THSD7B: variants seen among roughly 807,000 people sequenced by gnomAD.
The protein encoded by THSD7B is thrombospondin type-1 domain-containing protein 7B.
A neutral mutation model predicts 213.6 loss-of-function variants in THSD7B; 138 were observed. The ratio of observed to expected loss-of-function variants is 0.65; its 90% CI spans 0.56 to 0.74. The LOEUF (loss-of-function observed/expected upper bound fraction) is 0.74. THSD7B is among the 30% of genes least tolerant of loss of function. The pLI, the probability that THSD7B is intolerant of heterozygous loss-of-function variation, is 0.00. For missense variants in THSD7B, 1,931 were observed against 1,991.5 expected, an observed-to-expected ratio of 0.97 and a Z score of 0.58; for synonymous variants, 742 against 687.0, an observed-to-expected ratio of 1.08 and a Z score of -1.25.
At chr2:136,962,702 G>T (rs1209584476) in intron 2 of THSD7B, among the ~76,000 whole-genome samples, 1 of 152,100 alleles carries the variant, frequency 6.6e-6, no homozygotes, top group Non-Finnish European at 1.5e-5. Context: ...TTAGAAAGAA[G>T]TACACAAAAG....
chr2:137,160,128 C>T, intron 5 of THSD7B, 85 bp from the exon 6 acceptor site: 1 of 1,406,266 alleles, frequency 7.1e-7, no homozygotes, highest in East Asian at 2.4e-5. Flanking sequence ...GTTTTATTTG[C>T]AAGACAGGCA....
At chr2:136,928,399 G>A (rs1684576273) in intron 2 of THSD7B, among the ~76,000 whole-genome samples, 1 of 152,150 alleles carries the variant, frequency 6.6e-6, no homozygotes, top group Non-Finnish European at 1.5e-5. Flanking sequence ...TTCTAAGTTG[G>A]GAACCATCTG....
At chr2:137,655,963 A>G (rs191435734) in intron 22 of THSD7B, among the ~76,000 whole-genome samples, 14 of 152,284 alleles carry the variant, frequency 9.2e-5, no homozygotes, top group Non-Finnish European at 1.9e-4. Context: ...TTCTTCATCT[A>G]GAAACTGTGA....
intron 20 of THSD7B, 103 bp from the exon 21 acceptor site, chr2:137,642,385 T>C (rs981211625): frequency 5.9e-6 from 8 of 1,366,702 alleles, no homozygotes; most frequent in East Asian, 2.3e-5. Context: ...CAGAGTTCAG[T>C]CTATTAAAAT....
intron 2 of THSD7B, among the ~76,000 whole-genome samples, chr2:137,016,409 A>G (rs1686343050): frequency 6.6e-6 from 1 of 152,064 alleles, no homozygotes; most frequent in Non-Finnish European, 1.5e-5. Flanking sequence ...TTTCTCTCAA[A>G]CTCCATCTTT....
intron 5 of THSD7B, among the ~76,000 whole-genome samples, chr2:137,155,477 G>GCAGTTCTT: frequency 6.6e-6 from 1 of 152,306 alleles, no homozygotes; most frequent in African/African-American, 2.4e-5. Context: ...TAGAAAAGCA[G>GCAGTTCTT]CAGTTCTTAC....
chr2:136,950,990 A>T (rs1165589596), intron 2 of THSD7B, among the ~76,000 whole-genome samples: 1 of 152,156 alleles, frequency 6.6e-6, no homozygotes, highest in African/African-American at 2.4e-5. Context: ...TTTGGTGGCT[A>T]GATACTGAAA....
rs185922808 is a variant in THSD7B, at chr2:137,478,601, G to A, written c.3138+27578G>A. 4.1e-3 allele frequency among the ~76,000 whole-genome samples: 618 copies of A among 151,982 alleles called. 2 individuals are homozygous for A. The highest frequency in any genetic ancestry group is 6.8e-3 in the Non-Finnish European group (459 of 67,968). Reference sequence around the variant, plus strand: ...TGGAATCTCTTGTGGAAGAATTATTGCATTTCTTGGAGGTGTCATGTTCTC... The same window carrying A: ...TGGAATCTCTTGTGGAAGAATTATTACATTTCTTGGAGGTGTCATGTTCTC... On this transcript the variant is annotated intron_variant, in intron 15 of 27. Transcript: ENST00000409968.
At chr2:136,904,999 A>C (rs1684134586) in intron 2 of THSD7B, among the ~76,000 whole-genome samples, 1 of 152,164 alleles carries the variant, frequency 6.6e-6, no homozygotes, top group Admixed American at 6.6e-5. Context: ...TGACTCTTTC[A>C]TCCACTACTT....
In THSD7B at chr2:137,179,421, CA is replaced by C. The variant is rs571433243; in HGVS notation, c.1723+8490del. ...TACCAGTTTTCCCTCTATGTAGACA[CA>C]AAAAAAGTAATGAACATGGATAAAA... On this transcript the variant is annotated intron_variant, in intron 7 of 27. Transcript: ENST00000409968. Among the ~76,000 whole-genome samples the C allele has an allele frequency of 1.6e-4, 24 of 151,778 alleles. No individual in the cohort carries two copies. In the East Asian group the frequency reaches 3.1e-3, roughly 20 times the overall value.
At chr2:137,451,400 A>G (rs1407598563) in intron 15 of THSD7B, among the ~76,000 whole-genome samples, 1 of 151,898 alleles carries the variant, frequency 6.6e-6, no homozygotes, top group Non-Finnish European at 1.5e-5. Flanking sequence ...AGTATCACTT[A>G]TGTCATGGCA....
chr2:137,282,839 G>A (rs1024858295), intron 12 of THSD7B, among the ~76,000 whole-genome samples: 8 of 152,204 alleles, frequency 5.3e-5, no homozygotes, highest in African/African-American at 9.7e-5. Flanking sequence ...CAGGTAGCAT[G>A]ATGCCTCCAG....
intron 12 of THSD7B, among the ~76,000 whole-genome samples, chr2:137,339,429 G>A (rs957498637): frequency 6.6e-6 from 1 of 152,022 alleles, no homozygotes. Flanking sequence ...ATGTGAGAAT[G>A]GATGAAGCAG....
intron 20 of THSD7B, 154 bp from the exon 21 acceptor site, chr2:137,642,334 C>A (rs2104862390): frequency 1.1e-6 from 1 of 883,312 alleles, no homozygotes; most frequent in Admixed American, 2.8e-5. Context: ...CTCTGTGGAA[C>A]TCTAAATGAA....
chr2:137,419,974 G>A (rs753991474), intron 14 of THSD7B, among the ~76,000 whole-genome samples: 9 of 152,064 alleles, frequency 5.9e-5, no homozygotes, highest in Non-Finnish European at 8.8e-5. Context: ...TACTGGAATT[G>A]CTGGATAATA....
chr2:137,379,878 A>G (rs1217666789), intron 12 of THSD7B, among the ~76,000 whole-genome samples: 1 of 152,190 alleles, frequency 6.6e-6, no homozygotes. Flanking sequence ...GCTCCACACC[A>G]GCTCTCTACC....
At chr2:136,937,640 G>A (rs1296662493) in intron 2 of THSD7B, among the ~76,000 whole-genome samples, 1 of 152,036 alleles carries the variant, frequency 6.6e-6, no homozygotes, top group Non-Finnish European at 1.5e-5. Flanking sequence ...AATATTACTT[G>A]TTGATTTTAT....
At chr2:137,159,517 G>A (rs1489362523) in intron 5 of THSD7B, among the ~76,000 whole-genome samples, 1 of 151,972 alleles carries the variant, frequency 6.6e-6, no homozygotes, top group African/African-American at 2.4e-5. Flanking sequence ...GACACATGGT[G>A]AACACTGTTG....
chr2:137,258,470 G>T (rs1682359848), intron 10 of THSD7B, among the ~76,000 whole-genome samples: 1 of 151,932 alleles, frequency 6.6e-6, no homozygotes, highest in African/African-American at 2.4e-5. Context: ...TACCAGCTCT[G>T]CCTTGACCTG....
Sources: gnomAD v4.1 joint callset for allele counts (sites outside exome capture counted in the v4.1 genomes callset) on GRCh38, gnomAD v4.1.1 for gene constraint, MANE v1.5 for transcripts, NCBI Gene and HGNC (gene_info 2026-07-23, HGNC 2026-07-21) for gene names.